Variants in PRRC2C observed in about 807,000 individuals in gnomAD.
The protein encoded by PRRC2C is protein PRRC2C.
In PRRC2C, 72 loss-of-function variants were observed where a neutral mutation model predicts 317.2. The observed-to-expected ratio is 0.23, with a 90% CI of 0.19 to 0.28. The LOEUF is 0.28. Ranked by LOEUF, PRRC2C falls within the 10% of genes least tolerant of loss-of-function variation. PRRC2C has a pLI of 1.00. For missense variants in PRRC2C, 3,074 were observed against 3,459.7 expected (o/e 0.89, Z 2.80); for synonymous variants, 1,296 against 1,205.9 (o/e 1.07, Z -1.55).
At chr1:171,544,580 G>A (rs887658232) in intron 16 of PRRC2C, among the ~76,000 whole-genome samples, 4 of 152,076 alleles carry the variant, frequency 2.6e-5, no homozygotes, top group African/African-American at 4.8e-5. Flanking sequence ...TTTATTTCCC[G>A]TAACCAAACT....
intron 1 of PRRC2C, among the ~76,000 whole-genome samples, chr1:171,495,214 T>C (rs1160873655): frequency 6.6e-6 from 1 of 152,216 alleles, no homozygotes; most frequent in African/African-American, 2.4e-5. Flanking sequence ...TATAAAGCAG[T>C]ATTGTCACAC....
intron 28 of PRRC2C, among the ~76,000 whole-genome samples, chr1:171,580,960 A>G (rs1306235904): frequency 6.6e-6 from 1 of 152,230 alleles, no homozygotes; most frequent in Non-Finnish European, 1.5e-5. Flanking sequence ...TATGTTTTAT[A>G]TTACCATAAT....
chr1:171,578,642 C>A (rs1416892143), intron 26 of PRRC2C, among the ~76,000 whole-genome samples: 1 of 152,154 alleles, frequency 6.6e-6, no homozygotes, highest in Non-Finnish European at 1.5e-5. Flanking sequence ...CTGAGGCGGG[C>A]AGATCAGTTG....
chr1:171,554,622 T>C (rs920616669), intron 18 of PRRC2C, among the ~76,000 whole-genome samples: 3 of 152,162 alleles, frequency 2.0e-5, no homozygotes, highest in Non-Finnish European at 4.4e-5. Context: ...TTGCTTTCCA[T>C]GTTTAGTGTC....
At position 171,541,170 on chromosome 1, in the gene PRRC2C, C is replaced by T; in HGVS notation, c.3704C>T (p.Ser1235Leu). Reference protein sequence around the residue: ...DNKPRAEHIPSGPLRQREESE... With the variant: ...DNKPRAEHIPLGPLRQREESE... ...AAGCCAAGAGCAGAGCATATACCCT[C>T]AGGGCCTCTCAGACAGCGAGAAGAA... Residue 1235 changes from serine to leucine, a missense_variant, in exon 16 of 35, where the codon TCA becomes TTA. Physicochemically the swap from Ser to Leu is moderately radical, Grantham distance 145 (BLOSUM62 -2). Around this residue, in one of 11 missense-constraint regions of PRRC2C, gnomAD observed 1,320 missense variants for 1,395.7 expected, o/e 0.95. Transcript: ENST00000647382. This position sits in a 1 kb window ranked among gnomAD's most constrained non-coding sequence, Gnocchi z 4.1. 6.2e-7 allele frequency: 1 copy of T among 1,612,936 alleles called. No individual in the cohort carries two copies. The highest frequency in any genetic ancestry group is 1.3e-5 in the African/African-American group (1 of 74,964).
Position 171,589,416 on chromosome 1 carries a change from T to C in PRRC2C, c.8247T>C (p.His2749=). The change falls in exon 34 of 35, where the codon CAT becomes CAC. Residue 2749 remains histidine (H), a synonymous_variant. Coordinates refer to ENST00000647382, the MANE Select transcript of PRRC2C (RefSeq NM_001387844.1). ...NLVPPLVRAP[H]TNTFPAPVQR... is the part of the protein sequence containing the mutation. ...TCCCTCCATTGGTAAGAGCCCCACA[T>C]ACTAACACCTTCCCAGCGCCTGTTC... 7.8e-7 allele frequency: 1 copy of C among 1,286,390 alleles called. No homozygotes were observed. Among genetic ancestry groups the C allele is most frequent in the Non-Finnish European group, 1.0e-6 (1 of 988,078 alleles). 79.7% of individuals were successfully genotyped at this position (1,286,390 alleles called of 1,614,324 possible).
intron 3 of PRRC2C, among the ~76,000 whole-genome samples, chr1:171,514,263 TG>T: frequency 3.2e-5 from 1 of 31,480 alleles, no homozygotes; most frequent in African/African-American, 2.7e-4. Flanking sequence ...TGTGTGTGTA[TG>T]TGTGTGTGTG....
At position 171,561,084 on chromosome 1, in the gene PRRC2C, G is replaced by A; in HGVS notation, c.6098G>A (p.Gly2033Glu). 1 of 1,603,000 alleles carries A rather than the reference G, an allele frequency of 6.2e-7. No individual in the cohort carries two copies. The change falls in exon 20 of 35, where the codon GGA becomes GAA. Residue 2033 changes from glycine (G) to glutamate (E), a missense_variant. This residue lies in a region of PRRC2C where 640 missense variants were observed against 676.1 expected (regional missense o/e 0.95). Transcript: ENST00000647382. ...TGGAATAAGCCCTTAACATCGTTTG[G>A]ATCAGCTCCTTCATCAGAGGTAAGA... ...SAWNKPLTSF[G>E]SAPSSEGAKN...
intron 1 of PRRC2C, chr1:171,510,963 G>A (rs1671259750): frequency 6.6e-6 from 1 of 152,134 alleles, no homozygotes; most frequent in East Asian, 1.9e-4. Context: ...CATTTTACAT[G>A]CATATAAAAT....
At chr1:171,590,623 A>C (rs2102907008) in intron 34 of PRRC2C, among the ~76,000 whole-genome samples, 1 of 152,312 alleles carries the variant, frequency 6.6e-6, no homozygotes, top group African/African-American at 2.4e-5. Flanking sequence ...AGTGTTTCTG[A>C]TCCTGAGTAA....
rs547925356 is a variant in PRRC2C at position 171,528,537 on chromosome 1, C to T, written c.1254+693C>T. On this transcript the variant is annotated intron_variant, in intron 11 of 34. Transcript: ENST00000647382. ...CGATATCCTGACCTCGTGATCCGCCCACCTTGGCCTCCCAAAGTGCTGGGA... is the reference window on the plus strand; with the variant it reads ...CGATATCCTGACCTCGTGATCCGCCTACCTTGGCCTCCCAAAGTGCTGGGA... 1.2e-4 allele frequency among the ~76,000 whole-genome samples: 19 copies of T among 152,188 alleles called. 1 individual carries two copies. Among genetic ancestry groups the T allele is most frequent in the African/African-American group, 4.6e-4 (19 of 41,526 alleles).
At position 171,561,079 on chromosome 1, in the gene PRRC2C, G is replaced by C. The variant is rs148244294; in HGVS notation, c.6093G>C (p.Ser2031=). 1 of 1,604,454 alleles carries C rather than the reference G, an allele frequency of 6.2e-7. No homozygotes were observed. The highest frequency in any genetic ancestry group is 8.5e-7 in the Non-Finnish European group (1 of 1,171,248). Residue 2031 remains serine (S), a synonymous_variant, in exon 20 of 35, where the codon TCG becomes TCC. Coordinates refer to ENST00000647382, the MANE Select transcript of PRRC2C (RefSeq NM_001387844.1). Reference sequence around the variant, plus strand: ...GTGCATGGAATAAGCCCTTAACATCGTTTGGATCAGCTCCTTCATCAGAGG... The same window carrying C: ...GTGCATGGAATAAGCCCTTAACATCCTTTGGATCAGCTCCTTCATCAGAGG... ...SVSAWNKPLT[S]FGSAPSSEGA...
intron 1 of PRRC2C, among the ~76,000 whole-genome samples, chr1:171,501,177 C>T (rs1669048397): frequency 6.6e-6 from 1 of 151,812 alleles, no homozygotes; most frequent in Admixed American, 6.6e-5. Context: ...GGTTACTACT[C>T]ATGAGCTACT....
Position 171,515,771 on chromosome 1 carries a change from C to T in PRRC2C, c.438C>T (p.Pro146=), listed in dbSNP as rs141919800. The change falls in exon 5 of 35, where the codon CCC becomes CCT. Residue 146 remains proline (P), a synonymous_variant. Coordinates refer to ENST00000647382, the MANE Select transcript of PRRC2C (RefSeq NM_001387844.1). ...ATAGTCAGTTTCAGCAAGAATTTCC[C>T]AGCCTGCAGGCAGCTGGGGATCAGG... is the stretch of plus-strand genomic sequence containing the variant. ...QVNSQFQQEF[P]SLQAAGDQEK... 1 of 1,610,104 alleles carries T rather than the reference C, an allele frequency of 6.2e-7. No homozygotes were observed. The highest frequency in any genetic ancestry group is 1.3e-5 in the African/African-American group (1 of 74,684).
chr1:171,557,864 C>T lies in PRRC2C; in HGVS notation c.5752C>T (p.Pro1918Ser), dbSNP rs748072963. ...CTCAGCTTCAGCCCCAGCCCCAGCC[C>T]CTACCCCAGTCTCAGCCCCAAATCC... ...PASASAPAPA[P>S]TPVSAPNPAP... Residue 1918 changes from proline (P) to serine (S), a missense_variant, in exon 19 of 35, where the codon CCT (proline) becomes TCT (serine). By Grantham distance (74) the Pro-to-Ser change is moderately conservative. This residue lies in a region of PRRC2C where 640 missense variants were observed against 676.1 expected (regional missense o/e 0.95). Coordinates refer to ENST00000647382, the MANE Select transcript of PRRC2C (RefSeq NM_001387844.1). The T allele has an allele frequency of 2.6e-6, 4 of 1,542,676 alleles. No individual in the cohort carries two copies. The highest frequency in any genetic ancestry group is 1.7e-4 in the Middle Eastern group (1 of 5,952).
intron 17 of PRRC2C, among the ~76,000 whole-genome samples, chr1:171,549,227 A>G (rs170969): frequency 0.81 from 122,599 of 152,160 alleles, 49,515 homozygotes; most frequent in Middle Eastern, 0.9. Context: ...AGTAGAGACA[A>G]GGTCTCCCCA....
Position 171,574,913 on chromosome 1 carries a change from C to A in PRRC2C, c.6754-14C>A. ...ACATCATTTTTTTACTATAAAATGT[C>A]CGTTTTATTGCAGATGGAGTCTGCA... On this transcript the variant is annotated splice_polypyrimidine_tract_variant and intron_variant, in intron 24 of 34. Transcript: ENST00000647382. The A allele has an allele frequency of 6.2e-7, 1 of 1,610,788 alleles. No homozygotes were observed. The highest frequency in any genetic ancestry group is 1.1e-5 in the South Asian group (1 of 90,630).
chr1:171,529,112 C>T (rs1292150671), intron 11 of PRRC2C, among the ~76,000 whole-genome samples: 1 of 152,140 alleles, frequency 6.6e-6, no homozygotes, highest in Admixed American at 6.5e-5. Context: ...ACTTTTTTAT[C>T]TACTTGCATC....
At chr1:171,579,329 G>C (rs1436995106) in intron 26 of PRRC2C, 25 bp from the exon 27 acceptor site, 1 of 1,594,510 alleles carries the variant, frequency 6.3e-7, no homozygotes, top group Non-Finnish European at 8.6e-7. Flanking sequence ...ACTTACTACT[G>C]CTTGTTTATC....
Sources: gnomAD v4.1 joint callset for allele counts (sites outside exome capture counted in the v4.1 genomes callset) on GRCh38, gnomAD v4.1.1 for gene constraint, gnomAD v4.1.1 regional missense constraint, Gnocchi (gnomAD v3.1) non-coding constraint, MANE v1.5 for transcripts, NCBI Gene and HGNC (gene_info 2026-07-23, HGNC 2026-07-21) for gene names.